Variants in TENM1 observed in about 807,000 individuals in gnomAD.
The protein encoded by TENM1 is teneurin transmembrane protein 1.
TENM1 carries 35 observed loss-of-function variants against 174.8 expected under a neutral mutation model. The ratio of observed to expected loss-of-function variants is 0.20; its 90% CI spans 0.15 to 0.27. TENM1 has a LOEUF of 0.27. Among genes scored for constraint, TENM1 ranks in the 10% least tolerant of loss-of-function variants. TENM1 has a pLI of 1.00. For synonymous variants in TENM1, 781 were observed against 798.7 expected, an observed-to-expected ratio of 0.98 and a Z score of 0.37; for missense variants, 1,633 against 2,130.1, an observed-to-expected ratio of 0.77 and a Z score of 4.59.
At chrX:125,183,511 C>T in the TENM1 span, among the ~76,000 whole-genome samples, 5 of 111,888 alleles carry the variant, frequency 4.5e-5, no homozygotes, top group South Asian at 7.4e-4. Context: ...CATCAGGTTA[C>T]GCACTTGGAT....
At chrX:125,027,384 G>A in the TENM1 span, among the ~76,000 whole-genome samples, 1 of 111,518 alleles carries the variant, frequency 9.0e-6, no homozygotes, top group Non-Finnish European at 1.9e-5. Flanking sequence ...TATGGAGTGA[G>A]CAAAAGTTAT....
the TENM1 span, among the ~76,000 whole-genome samples, chrX:125,101,882 T>TGTGTCATCAA: frequency 1.8e-5 from 2 of 111,283 alleles, no homozygotes; most frequent in African/African-American, 6.6e-5. Flanking sequence ...GACCCACATA[T>TGTGTCATCAA]GCCAACAAAT....
intron 5 of TENM1, among the ~76,000 whole-genome samples, chrX:124,687,914 G>T (rs141872051): frequency 1.0e-3 from 112 of 112,359 alleles, no homozygotes; most frequent in African/African-American, 3.3e-3. Flanking sequence ...GGTAGAGAAA[G>T]TAGGGAGCTG....
intron 11 of TENM1, among the ~76,000 whole-genome samples, chrX:124,580,305 CAT>C (rs922802993): frequency 3.2e-4 from 36 of 111,243 alleles, no homozygotes; most frequent in African/African-American, 1.0e-3. Flanking sequence ...ATTTGCTACA[CAT>C]GTGTGAACCT....
the TENM1 span, among the ~76,000 whole-genome samples, chrX:125,076,841 C>T: frequency 1.8e-5 from 2 of 111,223 alleles, no homozygotes; most frequent in South Asian, 7.5e-4. Flanking sequence ...GGGTATAATA[C>T]CTTTTACTCA....
intron 25 of TENM1, among the ~76,000 whole-genome samples, chrX:124,417,013 C>T (rs1414012031): frequency 9.0e-6 from 1 of 111,674 alleles, no homozygotes; most frequent in Non-Finnish European, 1.9e-5. Flanking sequence ...CCTTGAACTT[C>T]CCAACCTCCA....
At chrX:124,696,475 C>G (rs2052652157) in intron 5 of TENM1, among the ~76,000 whole-genome samples, 1 of 111,117 alleles carries the variant, frequency 9.0e-6, no homozygotes, top group Non-Finnish European at 1.9e-5. Flanking sequence ...AAAATTTCCA[C>G]TTTCTTTCAT....
At chrX:124,407,828 C>T in intron 25 of TENM1, among the ~76,000 whole-genome samples, 1 of 112,812 alleles carries the variant, frequency 8.9e-6, no homozygotes, top group South Asian at 3.6e-4. Context: ...CACAGATATG[C>T]CTAGCCTTAG....
At chrX:124,886,765 A>G (rs2057398286) in intron 3 of TENM1, among the ~76,000 whole-genome samples, 2 of 100,776 alleles carry the variant, frequency 2.0e-5, no homozygotes, top group Non-Finnish European at 4.0e-5. Context: ...TAATATAGGA[A>G]GTACTCTAGA....
chrX:124,483,511 G>A (rs777485559), intron 21 of TENM1, among the ~76,000 whole-genome samples: 181 of 111,731 alleles, frequency 1.6e-3, no homozygotes, highest in African/African-American at 5.7e-3. Context: ...CACATCCAGT[G>A]AAAGGTGGTT....
chrX:124,404,911 C>A, intron 27 of TENM1, 120 bp downstream of exon 30: 1 of 629,767 alleles, frequency 1.6e-6, no homozygotes, highest in Non-Finnish European at 2.5e-6. Context: ...CTTAGAAAAG[C>A]TTTGGAGAAA....
the TENM1 span, among the ~76,000 whole-genome samples, chrX:125,136,912 G>A: frequency 9.0e-6 from 1 of 111,214 alleles, no homozygotes; most frequent in Non-Finnish European, 1.9e-5. Flanking sequence ...TGGGGTCCTG[G>A]AACCAATCCC....
intron 5 of TENM1, among the ~76,000 whole-genome samples, chrX:124,701,102 T>A (rs938097359): frequency 9.0e-6 from 1 of 111,488 alleles, no homozygotes; most frequent in African/African-American, 3.3e-5. Context: ...GGCTATATAG[T>A]ATGTCATGAC....
chrX:124,903,527 G>A (rs1278724319), intron 1 of TENM1, among the ~76,000 whole-genome samples: 1 of 112,016 alleles, frequency 8.9e-6, no homozygotes, highest in Non-Finnish European at 1.9e-5. Context: ...AATCTAAGAA[G>A]AGGAAGAAAA....
At chrX:125,084,797 A>G in the TENM1 span, among the ~76,000 whole-genome samples, 2 of 110,958 alleles carry the variant, frequency 1.8e-5, no homozygotes, top group African/African-American at 6.5e-5. Context: ...TCTACATTGT[A>G]CCTCCCCGAT....
intron 3 of TENM1, among the ~76,000 whole-genome samples, chrX:124,884,770 TTCTC>T (rs1398015493): frequency 8.9e-6 from 1 of 112,059 alleles, no homozygotes; most frequent in Non-Finnish European, 1.9e-5. Flanking sequence ...CTAGCTTCCT[TTCTC>T]TCTCTAATGA....
At chrX:125,045,947 T>C in the TENM1 span, among the ~76,000 whole-genome samples, 1 of 111,997 alleles carries the variant, frequency 8.9e-6, no homozygotes, top group African/African-American at 3.2e-5. Flanking sequence ...TAGAAACATA[T>C]TCTCTTTTTT....
chrX:124,885,091 A>G (rs146444615), intron 3 of TENM1, among the ~76,000 whole-genome samples: 1 of 111,703 alleles, frequency 9.0e-6, no homozygotes, highest in African/African-American at 3.3e-5. Context: ...GTATTATTAT[A>G]TTATGGGACC....
chrX:124,561,162 T>G (rs915338986), intron 14 of TENM1, among the ~76,000 whole-genome samples: 2 of 112,369 alleles, frequency 1.8e-5, no homozygotes, highest in Non-Finnish European at 3.8e-5. Context: ...TATTTTAGCA[T>G]GTCTAGTGCA....
Sources: gnomAD v4.1 joint callset for allele counts (sites outside exome capture counted in the v4.1 genomes callset) on GRCh38, gnomAD v4.1.1 for gene constraint, MANE v1.5 for transcripts, NCBI Gene and HGNC (gene_info 2026-07-23, HGNC 2026-07-21) for gene names.